Variants in UBE2D3 observed in about 807,000 individuals in gnomAD.
UBE2D3 encodes the protein ubiquitin conjugating enzyme E2 D3, also known as ubiquitin-conjugating enzyme E2 D3.
Under a neutral mutation model 22.8 loss-of-function variants are expected in UBE2D3, and 2 were observed. The observed-to-expected ratio is 0.09, with a 90% CI of 0.04 to 0.28. The LOEUF is 0.28. Ranked by LOEUF, UBE2D3 falls within the 10% of genes least tolerant of loss-of-function variation. The probability of loss-of-function intolerance (pLI) is 1.00; values close to 1 mark genes in which losing one functional copy is unlikely to be tolerated. For missense variants in UBE2D3, 27 were observed against 182.5 expected (o/e 0.15, Z 4.91); for synonymous variants, 56 against 60.4 (o/e 0.93, Z 0.34).
chr4:102,859,507 A>G (rs1732779143), intron 1 of UBE2D3, among the ~76,000 whole-genome samples: 1 of 151,988 alleles, frequency 6.6e-6, no homozygotes. Context: ...CAATGAAGAC[A>G]TCTTTATGTT....
intron 1 of UBE2D3, chr4:102,827,063 G>C (rs539768461): frequency 3.0e-6 from 3 of 990,058 alleles, no homozygotes; most frequent in African/African-American, 3.5e-5. Flanking sequence ...GCCGGGAAAA[G>C]GAAGGAAATA....
intron 1 of UBE2D3, among the ~76,000 whole-genome samples, chr4:102,853,794 G>A (rs900716672): frequency 2.6e-5 from 4 of 151,978 alleles, no homozygotes; most frequent in Non-Finnish European, 4.4e-5. Flanking sequence ...TATTCAAAAA[G>A]GAAAGAAAAA....
chr4:102,839,469 C>T (rs1283012781), intron 1 of UBE2D3, among the ~76,000 whole-genome samples: 2 of 152,128 alleles, frequency 1.3e-5, no homozygotes, highest in Non-Finnish European at 2.9e-5. Context: ...AACAGGGTTT[C>T]ACCATATTGC....
chr4:102,846,541 T>G (rs988313006), intron 1 of UBE2D3, among the ~76,000 whole-genome samples: 3 of 152,226 alleles, frequency 2.0e-5, no homozygotes, highest in Non-Finnish European at 2.9e-5. Context: ...CCTTTAGTTC[T>G]CCTACATAGG....
intron 1 of UBE2D3, among the ~76,000 whole-genome samples, chr4:102,865,778 A>G (rs1021891431): frequency 7.2e-5 from 11 of 152,230 alleles, no homozygotes; most frequent in African/African-American, 2.7e-4. Context: ...CCTAATGGGA[A>G]AAAAACATGA....
At chr4:102,799,094 C>A in intron 7 of UBE2D3, 1 of 1,172,938 alleles carries the variant, frequency 8.5e-7, no homozygotes, top group Non-Finnish European at 1.2e-6. Flanking sequence ...TACAATAGTA[C>A]TAACATTTTT....
At chr4:102,863,743 C>T (rs111521637) in intron 1 of UBE2D3, among the ~76,000 whole-genome samples, 2,799 of 152,286 alleles carry the variant, frequency 0.018, 82 homozygotes, top group African/African-American at 0.061. Flanking sequence ...ATCTGCCCAG[C>T]TCAGCCTCCC....
chr4:102,828,543 T>A (rs1189291978), upstream of UBE2D3, among the ~76,000 whole-genome samples: 1 of 151,810 alleles, frequency 6.6e-6, no homozygotes, highest in East Asian at 1.9e-4. Context: ...ACAGAGAGAG[T>A]TAGGGGCAGG....
At chr4:102,806,676 T>TC (rs1727098922) in intron 4 of UBE2D3, among the ~76,000 whole-genome samples, 1 of 152,166 alleles carries the variant, frequency 6.6e-6, no homozygotes, top group South Asian at 2.1e-4. Flanking sequence ...CTGTCATAGA[T>TC]TAGGTGGGAG....
intron 2 of UBE2D3, among the ~76,000 whole-genome samples, chr4:102,818,752 A>G (rs1020150342): frequency 6.7e-6 from 1 of 148,442 alleles, no homozygotes; most frequent in Admixed American, 6.7e-5. Context: ...TTTGGTCACT[A>G]TTTTTTTTTT....
intron 1 of UBE2D3, among the ~76,000 whole-genome samples, chr4:102,861,407 T>A (rs889468378): frequency 2.0e-5 from 3 of 151,992 alleles, no homozygotes; most frequent in African/African-American, 7.2e-5. Context: ...TTAATCTGAA[T>A]AGTATTATTT....
intron 1 of UBE2D3, among the ~76,000 whole-genome samples, chr4:102,835,515 C>T (rs900182978): frequency 2.6e-5 from 4 of 152,154 alleles, no homozygotes; most frequent in Non-Finnish European, 5.9e-5. Flanking sequence ...GGCTTACCAG[C>T]AGACATGTAA....
upstream of UBE2D3, among the ~76,000 whole-genome samples, chr4:102,830,415 GA>G (rs1479871845): frequency 2.0e-5 from 3 of 152,040 alleles, no homozygotes; most frequent in Non-Finnish European, 4.4e-5. Flanking sequence ...TTTACATTTA[GA>G]AATTAATAAA....
chr4:102,836,556 A>G (rs2110350774), intron 1 of UBE2D3, among the ~76,000 whole-genome samples: 1 of 152,330 alleles, frequency 6.6e-6, no homozygotes, highest in South Asian at 2.1e-4. Context: ...GGAGTGGAAT[A>G]GCTAGATTAT....
intron 1 of UBE2D3, among the ~76,000 whole-genome samples, chr4:102,835,549 C>T (rs114517476): frequency 0.01 from 1,568 of 152,232 alleles, 34 homozygotes; most frequent in African/African-American, 0.035. Context: ...ATTTCAGTTG[C>T]CTGACATCTC....
At chr4:102,828,317 G>T, upstream of UBE2D3, 2 of 970,208 alleles carry the variant, frequency 2.1e-6, no homozygotes, top group Non-Finnish European at 2.5e-6. Flanking sequence ...CGGTGGAGCA[G>T]GTGAGCAGTA....
chr4:102,802,355 TAAAGA>T, intron 5 of UBE2D3: 1 of 362,860 alleles, frequency 2.8e-6, no homozygotes, highest in Non-Finnish European at 4.9e-6. Flanking sequence ...CTTGCAACAT[TAAAGA>T]AAAGGCAAAC....
At chr4:102,830,147 C>A (rs1056490216), upstream of UBE2D3, among the ~76,000 whole-genome samples, 1 of 152,158 alleles carries the variant, frequency 6.6e-6, no homozygotes, top group African/African-American at 2.4e-5. Flanking sequence ...AGCCTAGAAG[C>A]ATTTTGATGC....
intron 2 of UBE2D3, chr4:102,812,837 A>T (rs1463894258): frequency 1.3e-5 from 2 of 152,218 alleles, no homozygotes; most frequent in Non-Finnish European, 2.9e-5. Context: ...GATTTGCTCT[A>T]AGCTTTTAAG....
Sources: gnomAD v4.1 joint callset for allele counts (sites outside exome capture counted in the v4.1 genomes callset) on GRCh38, gnomAD v4.1.1 for gene constraint, MANE v1.5 for transcripts, NCBI Gene and HGNC (gene_info 2026-07-23, HGNC 2026-07-21) for gene names.